Variants in ERBIN observed in about 807,000 individuals in gnomAD.
The protein encoded by ERBIN is erbb2 interacting protein, also known as densin-180-like protein.
Under a neutral mutation model 158.4 loss-of-function variants are expected in ERBIN, and 60 were observed. That is an observed-to-expected ratio of 0.38 (90% CI 0.31 to 0.47). The LOEUF (loss-of-function observed/expected upper bound fraction) is 0.47, where lower values mean the gene tolerates loss of function less well. Among genes scored for constraint, ERBIN ranks in the 20% least tolerant of loss-of-function variants. The pLI is 0.99. For synonymous variants in ERBIN, 594 were observed against 557.2 expected (o/e 1.07, Z -0.93); for missense variants, 1,610 against 1,648.0 (o/e 0.98, Z 0.40).
intron 1 of ERBIN, among the ~76,000 whole-genome samples, chr5:65,931,819 C>CTTTTTTT (rs36048820): frequency 7.6e-6 from 1 of 131,934 alleles, no homozygotes; most frequent in Non-Finnish European, 1.6e-5. Context: ...TCTTTTCTTT[C>CTTTTTTT]TTTTTTTTTT....
At chr5:66,071,775 G>T (rs542024937) in intron 21 of ERBIN, among the ~76,000 whole-genome samples, 2 of 144,556 alleles carry the variant, frequency 1.4e-5, no homozygotes, top group Non-Finnish European at 3.0e-5. Context: ...CAACATGAGT[G>T]TGTTTTAGTT....
chr5:66,013,482 T>A, intron 5 of ERBIN, 67 bp from the exon 6 acceptor site: 1 of 1,094,214 alleles, frequency 9.1e-7, no homozygotes, highest in East Asian at 2.4e-5. Flanking sequence ...CTTGTGAGAG[T>A]CTTAGATTTT....
chr5:66,056,795 A>G (rs993130266), intron 21 of ERBIN, among the ~76,000 whole-genome samples: 1 of 152,064 alleles, frequency 6.6e-6, no homozygotes, highest in Admixed American at 6.6e-5. Context: ...TTCTCTCATC[A>G]TTTGCTTGCC....
intron 1 of ERBIN, among the ~76,000 whole-genome samples, chr5:65,936,183 T>C (rs993621669): frequency 1.3e-5 from 2 of 151,716 alleles, no homozygotes; most frequent in Non-Finnish European, 2.9e-5. Context: ...GAGAGGAGGG[T>C]ATGTTTGTAG....
At chr5:66,057,698 C>A (rs905416060) in intron 21 of ERBIN, among the ~76,000 whole-genome samples, 1 of 123,966 alleles carries the variant, frequency 8.1e-6, no homozygotes, top group Non-Finnish European at 1.7e-5. Flanking sequence ...CTATCCCTCC[C>A]CCCTCCCCCG....
chr5:66,033,445 G>T (rs1580414598), intron 14 of ERBIN, among the ~76,000 whole-genome samples: 1 of 152,190 alleles, frequency 6.6e-6, no homozygotes, highest in African/African-American at 2.4e-5. Context: ...AGGAGAACTG[G>T]ATGATGATGG....
intron 21 of ERBIN, among the ~76,000 whole-genome samples, chr5:66,061,425 G>A (rs968662863): frequency 1.1e-4 from 17 of 152,002 alleles, no homozygotes; most frequent in Non-Finnish European, 1.9e-4. Context: ...TTTGTTTTGA[G>A]CCTATGTGTG....
intron 1 of ERBIN, among the ~76,000 whole-genome samples, chr5:65,972,819 A>G (rs913175343): frequency 2.0e-5 from 3 of 151,486 alleles, no homozygotes; most frequent in Admixed American, 6.5e-5. Flanking sequence ...TGCTGTAATA[A>G]GGTGTTGAGA....
chr5:65,938,384 T>C (rs981556379), intron 1 of ERBIN, among the ~76,000 whole-genome samples: 1 of 151,330 alleles, frequency 6.6e-6, no homozygotes, highest in Non-Finnish European at 1.5e-5. Flanking sequence ...TTTTTTTTTT[T>C]TTTTTGAGAC....
intron 20 of ERBIN, among the ~76,000 whole-genome samples, chr5:66,051,740 C>G (rs904714283): frequency 2.6e-5 from 4 of 151,634 alleles, no homozygotes; most frequent in African/African-American, 7.3e-5. Context: ...AAAAAAAGTA[C>G]AAAAGTTGGC....
At chr5:66,034,115 C>CA (rs34390168) in intron 14 of ERBIN, among the ~76,000 whole-genome samples, 96,029 of 132,958 alleles carry the variant, frequency 0.72, 35,366 homozygotes, top group Non-Finnish European at 0.85. Context: ...GACTTTGTCT[C>CA]AAAAAAAAAA....
intron 1 of ERBIN, among the ~76,000 whole-genome samples, chr5:65,948,685 T>TG (rs1746110455): frequency 2.0e-5 from 3 of 152,002 alleles, no homozygotes; most frequent in Non-Finnish European, 4.4e-5. Context: ...TAATTTTGAT[T>TG]TTTGCTACAT....
chr5:65,934,367 T>C (rs537252564), intron 1 of ERBIN, among the ~76,000 whole-genome samples: 2 of 152,208 alleles, frequency 1.3e-5, no homozygotes, highest in Non-Finnish European at 2.9e-5. Context: ...TTTGGAATCA[T>C]GTGTTACATT....
chr5:66,045,385 TG>T (rs1758328044), intron 17 of ERBIN, among the ~76,000 whole-genome samples: 2 of 150,382 alleles, frequency 1.3e-5, no homozygotes, highest in South Asian at 2.1e-4. Flanking sequence ...TTTGTAGCCT[TG>T]GGGCCATAGG....
At chr5:65,927,927 A>G (rs1481872994) in intron 1 of ERBIN, among the ~76,000 whole-genome samples, 1 of 152,122 alleles carries the variant, frequency 6.6e-6, no homozygotes, top group African/African-American at 2.4e-5. Flanking sequence ...TTTTTGCGGT[A>G]CAGGGAGGTG....
chr5:66,043,322 C>CTT (rs1167622810), intron 16 of ERBIN, 124 bp downstream of exon 16: 53 of 922,986 alleles, frequency 5.7e-5, no homozygotes, highest in Admixed American at 6.1e-5. Context: ...CCTCAAGGCA[C>CTT]TTGAAGTGTT....
intron 1 of ERBIN, among the ~76,000 whole-genome samples, chr5:65,987,393 C>CACACACACACACACACAG (rs1561335895): frequency 6.6e-6 from 1 of 151,574 alleles, no homozygotes; most frequent in Admixed American, 6.6e-5. Context: ...CACACACACA[C>CACACACACACACACACAG]ACGAAAAAAG....
At chr5:65,944,781 T>A (rs1745536352) in intron 1 of ERBIN, among the ~76,000 whole-genome samples, 1 of 152,208 alleles carries the variant, frequency 6.6e-6, no homozygotes, top group African/African-American at 2.4e-5. Context: ...TATTTGTATA[T>A]CTTTGGAGAA....
intron 1 of ERBIN, among the ~76,000 whole-genome samples, chr5:65,937,140 G>A (rs1744188059): frequency 6.6e-6 from 1 of 152,128 alleles, no homozygotes; most frequent in Non-Finnish European, 1.5e-5. Context: ...GTTCTACATG[G>A]TTTTTATTGA....
Sources: allele counts gnomAD v4.1 joint callset (sites outside exome capture counted in the v4.1 genomes callset), GRCh38; gene constraint gnomAD v4.1.1; transcripts MANE v1.5; gene names NCBI Gene and HGNC (gene_info 2026-07-23, HGNC 2026-07-21).